The following MARCHF1 variants were observed in gnomAD, a reference collection of about 807,000 sequenced individuals.
MARCHF1 encodes E3 ubiquitin-protein ligase MARCHF1.
In MARCHF1, 40 loss-of-function variants were observed where a neutral mutation model predicts 54.2. That is an observed-to-expected ratio of 0.74 (90% CI 0.57 to 0.96). MARCHF1 has a LOEUF of 0.96. Among genes scored for constraint, MARCHF1 ranks in the 40% least tolerant of loss-of-function variants. The pLI is 0.00. For missense variants in MARCHF1, 586 were observed against 656.5 expected (o/e 0.89, Z 1.17); for synonymous variants, 236 against 236.3 (o/e 1.00, Z 0.01).
chr4:163,935,002 T>C (rs1181628890), intron 3 of MARCHF1, among the ~76,000 whole-genome samples: 1 of 152,158 alleles, frequency 6.6e-6, no homozygotes, highest in African/African-American at 2.4e-5. Flanking sequence ...AAAAACTATG[T>C]TTCTTAAATA....
chr4:164,136,865 G>A (rs1756413751), intron 1 of MARCHF1, among the ~76,000 whole-genome samples: 1 of 152,180 alleles, frequency 6.6e-6, no homozygotes, highest in African/African-American at 2.4e-5. Flanking sequence ...AATGTAGTAT[G>A]GAAGAGAAGA....
Position 164,383,900 on chromosome 4 carries a change from CCAGGCTGCGTGCGGCCGG to C in MARCHF1, c.-371_-354del, listed in dbSNP as rs958663128. The C allele has an allele frequency of 4.6e-5, 7 of 152,522 alleles. No homozygotes were observed. Among genetic ancestry groups the C allele is most frequent in the Admixed American group, 3.3e-4 (5 of 15,308 alleles). The allele number at this position is 152,522 out of a possible 1,614,324, so 9.4% of individuals were successfully genotyped here. ...GAGGGTGAAGTAGCTCAGGCGGCCG[CCAGGCTGCGTGCGGCCGG>C]CATCCCGGGGCGCGGGCATTCTCCC... On this transcript the variant is annotated 5_prime_UTR_variant, in exon 1 of 10. Transcript: ENST00000514618.
chr4:163,620,406 T>G (rs1741641006), intron 5 of MARCHF1, among the ~76,000 whole-genome samples: 1 of 152,190 alleles, frequency 6.6e-6, no homozygotes, highest in African/African-American at 2.4e-5. Flanking sequence ...ATTCTACTCA[T>G]GGGAATTAAT....
chr4:164,033,226 A>G (rs1214909393), intron 2 of MARCHF1, among the ~76,000 whole-genome samples: 1 of 151,944 alleles, frequency 6.6e-6, no homozygotes, highest in Non-Finnish European at 1.5e-5. Flanking sequence ...AGCCATTTGC[A>G]GACAACTAAA....
At chr4:163,823,165 T>A (rs765505314) in intron 4 of MARCHF1, among the ~76,000 whole-genome samples, 1 of 151,814 alleles carries the variant, frequency 6.6e-6, no homozygotes, top group African/African-American at 2.4e-5. Flanking sequence ...TAGATGTCCA[T>A]AAGTATTCTG....
Position 164,146,762 on chromosome 4 carries a change from G to T in MARCHF1, c.-322-35100C>A, listed in dbSNP as rs180751145. Among the ~76,000 whole-genome samples, 23 of 152,222 alleles carry T rather than the reference G, an allele frequency of 1.5e-4. 1 individual carries two copies. Among genetic ancestry groups the T allele is most frequent in the African/African-American group, 4.6e-4 (19 of 41,530 alleles). On this transcript the variant is annotated intron_variant, in intron 1 of 9. Transcript: ENST00000514618. ...CTTTACCATTCAGGACATAGGCATG[G>T]GCAAGAACTTCATGTCTAAAACACC...
intron 1 of MARCHF1, among the ~76,000 whole-genome samples, chr4:164,256,398 T>A (rs1345672941): frequency 4.0e-4 from 30 of 74,872 alleles, no homozygotes; most frequent in East Asian, 1.9e-3. Context: ...CAAAAAAAAC[T>A]AAAAATGTGA....
At chr4:164,326,969 G>GTA (rs1735298105) in intron 1 of MARCHF1, among the ~76,000 whole-genome samples, 1 of 149,522 alleles carries the variant, frequency 6.7e-6, no homozygotes, top group Admixed American at 6.6e-5. Flanking sequence ...GTGTGTGTGT[G>GTA]TGTGTGTGTG....
intron 1 of MARCHF1, among the ~76,000 whole-genome samples, chr4:164,227,328 G>T (rs962596061): frequency 6.6e-6 from 1 of 152,038 alleles, no homozygotes; most frequent in Non-Finnish European, 1.5e-5. Context: ...ACAGCATGGG[G>T]GAAACCACCC....
downstream of MARCHF1, chr4:163,524,592 C>T (rs2110827318): frequency 6.6e-6 from 1 of 152,166 alleles, no homozygotes; most frequent in African/African-American, 2.4e-5. Context: ...ATGAGTTAGT[C>T]AACGTAGGTT....
intron 1 of MARCHF1, among the ~76,000 whole-genome samples, chr4:164,141,867 C>A (rs1000447075): frequency 2.0e-5 from 3 of 152,178 alleles, no homozygotes; most frequent in African/African-American, 7.2e-5. Context: ...CCAGCGTGAG[C>A]AACGCAGAAG....
chr4:164,119,404 A>G (rs921673541), intron 1 of MARCHF1, among the ~76,000 whole-genome samples: 3 of 151,532 alleles, frequency 2.0e-5, no homozygotes, highest in Admixed American at 1.3e-4. Context: ...AAAGAAATAC[A>G]AATAATAAAT....
chr4:164,059,136 G>A (rs1186495867), intron 2 of MARCHF1, among the ~76,000 whole-genome samples: 1 of 152,126 alleles, frequency 6.6e-6, no homozygotes, highest in Non-Finnish European at 1.5e-5. Context: ...GTATGCAGAA[G>A]GGAAATATAA....
At chr4:163,778,134 A>G (rs919973292) in intron 4 of MARCHF1, among the ~76,000 whole-genome samples, 4 of 151,274 alleles carry the variant, frequency 2.6e-5, no homozygotes, top group African/African-American at 7.3e-5. Context: ...ATTCGATTAC[A>G]TGGATATACC....
At chr4:163,885,007 T>A (rs917641510) in intron 3 of MARCHF1, among the ~76,000 whole-genome samples, 3 of 152,206 alleles carry the variant, frequency 2.0e-5, no homozygotes, top group African/African-American at 7.2e-5. Flanking sequence ...GTGAAAAGTA[T>A]TCCATTTAAA....
chr4:163,578,099 T>C (rs1740099213), intron 8 of MARCHF1, among the ~76,000 whole-genome samples: 1 of 151,936 alleles, frequency 6.6e-6, no homozygotes, highest in Non-Finnish European at 1.5e-5. Context: ...TATAGATCAT[T>C]GGAATATTGA....
chr4:164,196,325 G>A (rs925742315), intron 1 of MARCHF1, among the ~76,000 whole-genome samples: 1 of 151,938 alleles, frequency 6.6e-6, no homozygotes, highest in Non-Finnish European at 1.5e-5. Context: ...CAATGATTTT[G>A]CATGATTTAA....
intron 5 of MARCHF1, among the ~76,000 whole-genome samples, chr4:163,620,008 T>C (rs545692350): frequency 6.6e-6 from 1 of 152,292 alleles, no homozygotes; most frequent in Non-Finnish European, 1.5e-5. Context: ...CCTCATTTTA[T>C]TGCATATATG....
At chr4:163,978,783 G>C (rs991748267) in intron 3 of MARCHF1, among the ~76,000 whole-genome samples, 2 of 151,988 alleles carry the variant, frequency 1.3e-5, no homozygotes, top group African/African-American at 4.8e-5. Flanking sequence ...ACCCAGGCTG[G>C]AGTACAGTGG....
Sources: gnomAD v4.1 joint callset for allele counts (sites outside exome capture counted in the v4.1 genomes callset) on GRCh38, gnomAD v4.1.1 for gene constraint, MANE v1.5 for transcripts, NCBI Gene and HGNC (gene_info 2026-07-23, HGNC 2026-07-21) for gene names.